SAMD14: variants seen among roughly 807,000 people sequenced by gnomAD.
The protein encoded by SAMD14 is sterile alpha motif domain-containing protein 14.
SAMD14 carries 27 observed loss-of-function variants against 46.2 expected under a neutral mutation model. That is an observed-to-expected ratio of 0.58 (90% CI 0.43 to 0.81). SAMD14 has a LOEUF of 0.81. SAMD14 is among the 30% of genes least tolerant of loss of function. The pLI, the probability that SAMD14 is intolerant of heterozygous loss-of-function variation, is 0.00. For missense variants in SAMD14, 559 were observed against 582.2 expected (o/e 0.96, Z 0.41); for synonymous variants, 241 against 254.3 (o/e 0.95, Z 0.50).
chr17:50,116,498 C>T (rs1489446283), intron 4 of SAMD14, among the ~76,000 whole-genome samples: 6 of 150,752 alleles, frequency 4.0e-5, no homozygotes, highest in Non-Finnish European at 1.5e-5. Context: ...TTCCACCTCC[C>T]GGGTTCAAGC....
intron 1 of SAMD14, among the ~76,000 whole-genome samples, chr17:50,128,154 G>A (rs1345406941): frequency 6.6e-6 from 1 of 152,162 alleles, no homozygotes; most frequent in African/African-American, 2.4e-5. Context: ...CTCTGAGAAT[G>A]AAGATCCTGT....
At position 50,124,300 on chromosome 17, in the gene SAMD14, C is replaced by T. The variant is rs566909548; in HGVS notation, c.43+617G>A. On this transcript the variant is annotated intron_variant, in intron 2 of 9. Coordinates refer to ENST00000330175, the MANE Select transcript of SAMD14 (RefSeq NM_001257359.2). ...CCCCAGTGTGTACTGAGGACGTGGG[C>T]GTGCAGGCCAGCATGAGGGGGCCAG... 6.5e-4 allele frequency: 257 copies of T among 393,284 alleles called. 8 individuals are homozygous for T. Among genetic ancestry groups the T allele is most frequent in the South Asian group, 4.6e-3 (255 of 55,252 alleles). The allele number at this position is 393,284 out of a possible 1,614,324, so 24.4% of individuals were successfully genotyped here. A position where few individuals can be genotyped will look rare whatever the true frequency, so the allele number is the denominator to read the frequency against.
At chr17:50,116,344 A>G in intron 4 of SAMD14, 1 of 436,118 alleles carries the variant, frequency 2.3e-6, no homozygotes, top group Non-Finnish European at 4.0e-6. Context: ...TACAAACTAT[A>G]AAACGTTCCA....
chr17:50,121,902 T>C (rs1054247086), intron 2 of SAMD14, among the ~76,000 whole-genome samples: 19 of 152,218 alleles, frequency 1.2e-4, no homozygotes, highest in African/African-American at 4.6e-4. Context: ...TTCTCATGTG[T>C]AAAATGGGAT....
intron 2 of SAMD14, 148 bp from the exon 3 acceptor site, chr17:50,118,475 G>T: frequency 1.1e-6 from 1 of 929,184 alleles, no homozygotes; most frequent in Non-Finnish European, 1.6e-6. Context: ...GAAAAACAGG[G>T]TGTCTCCCCG....
chr17:50,127,066 C>A (rs1911810261), intron 1 of SAMD14, among the ~76,000 whole-genome samples: 1 of 150,094 alleles, frequency 6.7e-6, no homozygotes, highest in Non-Finnish European at 1.5e-5. Context: ...TGCCATTGCA[C>A]TCCAGCCTGG....
chr17:50,117,353 G>A (rs558759377), intron 4 of SAMD14, 54 bp downstream of exon 4: 157 of 1,265,284 alleles, frequency 1.2e-4, no homozygotes, highest in Non-Finnish European at 1.5e-4. Context: ...GGACCGGGAG[G>A]GCTGCTGCGC....
chr17:50,116,390 T>A, intron 4 of SAMD14: 1 of 240,036 alleles, frequency 4.2e-6, no homozygotes, highest in Non-Finnish European at 8.0e-6. Flanking sequence ...CTCAATTTTA[T>A]CCTGGCCAAC....
At chr17:50,116,667 A>C (rs1298846796) in intron 4 of SAMD14, among the ~76,000 whole-genome samples, 1 of 151,808 alleles carries the variant, frequency 6.6e-6, no homozygotes, top group African/African-American at 2.4e-5. Context: ...TCGGCCTCCC[A>C]AAGTGCTGGG....
chr17:50,116,679 T>C (rs2144398546), intron 4 of SAMD14, among the ~76,000 whole-genome samples: 1 of 151,894 alleles, frequency 6.6e-6, no homozygotes, highest in South Asian at 2.1e-4. Context: ...AGTGCTGGGA[T>C]TACAAGCGTG....
chr17:50,112,670 G>A lies in SAMD14; in HGVS notation c.*223C>T, dbSNP rs1910916336. On this transcript the variant is annotated 3_prime_UTR_variant, in exon 10 of 10. Coordinates refer to ENST00000330175, the MANE Select transcript of SAMD14 (RefSeq NM_001257359.2). ...CCCCCAGGAACTCTGTGCCAAACAA[G>A]TCCTCAAAATAGGATTTATTACTAG... is the stretch of plus-strand genomic sequence containing the variant. 1 of 500,220 alleles carries A rather than the reference G, an allele frequency of 2.0e-6. No individual in the cohort carries two copies. Among genetic ancestry groups the A allele is most frequent in the Non-Finnish European group, 3.5e-6 (1 of 286,744 alleles). 31.0% of individuals were successfully genotyped at this position (500,220 alleles called of 1,614,324 possible). A position where few individuals can be genotyped will look rare whatever the true frequency, so the allele number is the denominator to read the frequency against.
intron 3 of SAMD14, 94 bp from the exon 4 acceptor site, chr17:50,117,789 G>C (rs1567720411): frequency 1.6e-6 from 2 of 1,270,476 alleles, no homozygotes; most frequent in Non-Finnish European, 2.0e-6. Flanking sequence ...GGCCCTGAGG[G>C]TCCTTCCGGG....
chr17:50,114,957 C>CCCAGAGCAAGAAG (rs1911102335), intron 7 of SAMD14: 2 of 154,694 alleles, frequency 1.3e-5, no homozygotes, highest in African/African-American at 4.8e-5. Flanking sequence ...CAAGCCCCTT[C>CCCAGAGCAAGAAG]TCTCTGGGCC....
At chr17:50,117,755 G>A (rs1251471942) in intron 3 of SAMD14, 60 bp from the exon 4 acceptor site, 24 of 1,377,622 alleles carry the variant, frequency 1.7e-5, no homozygotes, top group Non-Finnish European at 2.1e-5. Context: ...GAGGAGCTGG[G>A]AGACTTTCAC....
intron 3 of SAMD14, 103 bp from the exon 4 acceptor site, chr17:50,117,798 G>T (rs1911305542): frequency 1.6e-6 from 2 of 1,215,330 alleles, no homozygotes; most frequent in South Asian, 3.9e-5. Context: ...GGTCCTTCCG[G>T]GGCCTAGAGG....
At chr17:50,121,978 C>G (rs1429940833) in intron 2 of SAMD14, among the ~76,000 whole-genome samples, 1 of 152,254 alleles carries the variant, frequency 6.6e-6, no homozygotes, top group Non-Finnish European at 1.5e-5. Flanking sequence ...ATATACAGTA[C>G]TTTGCCATAA....
chr17:50,126,594 C>T (rs995602503), intron 1 of SAMD14, among the ~76,000 whole-genome samples: 2 of 152,034 alleles, frequency 1.3e-5, no homozygotes, highest in African/African-American at 2.4e-5. Context: ...CGTGAGCCAC[C>T]GCGCCTGGCC....
intron 1 of SAMD14, among the ~76,000 whole-genome samples, chr17:50,126,549 C>T (rs1179940923): frequency 3.3e-5 from 5 of 152,172 alleles, no homozygotes; most frequent in African/African-American, 1.2e-4. Flanking sequence ...TCGTGATCCA[C>T]CCGCCTCGGC....
chr17:50,117,285 C>T (rs1396708081), intron 4 of SAMD14, 122 bp downstream of exon 4: 1 of 1,007,358 alleles, frequency 9.9e-7, no homozygotes. Context: ...GGCGTTTACT[C>T]TTCACCTCCC....
Sources: gnomAD v4.1 joint callset for allele counts (sites outside exome capture counted in the v4.1 genomes callset) on GRCh38, gnomAD v4.1.1 for gene constraint, MANE v1.5 for transcripts, NCBI Gene and HGNC (gene_info 2026-07-23, HGNC 2026-07-21) for gene names.